VEPH1: variants seen among roughly 807,000 people sequenced by gnomAD.
VEPH1 encodes ventricular zone-expressed PH domain-containing protein homolog 1.
In VEPH1, 80 loss-of-function variants were observed where a neutral mutation model predicts 85.2. The ratio of observed to expected loss-of-function variants is 0.94; its 90% CI spans 0.78 to 1.13. The LOEUF is 1.13. Among genes scored for constraint, VEPH1 ranks in the 50% most tolerant of loss-of-function variants. The pLI is 0.00. For missense variants in VEPH1, 955 were observed against 980.5 expected (o/e 0.97, Z 0.35); for synonymous variants, 297 against 348.0 (o/e 0.85, Z 1.63).
At chr3:157,361,350 C>T (rs1457110115) in intron 9 of VEPH1, among the ~76,000 whole-genome samples, 2 of 151,974 alleles carry the variant, frequency 1.3e-5, no homozygotes, top group African/African-American at 4.8e-5. Context: ...TATCACTAAA[C>T]ATTTGAATCC....
At position 157,313,608 on chromosome 3, in the gene VEPH1, A is replaced by G. The variant is rs1485064693; in HGVS notation, c.2010+13T>C. The G allele has an allele frequency of 6.2e-7, 1 of 1,613,138 alleles. No homozygotes were observed. Among genetic ancestry groups the G allele is most frequent in the Middle Eastern group, 1.7e-4 (1 of 6,052 alleles). On this transcript the variant is annotated intron_variant, in intron 11 of 13. Transcript: ENST00000362010. ...TCTTGGCCTGTAACATGGCCAAGGA[A>G]AGGAATATTTACCTTCTGCTGTGGA... is the stretch of plus-strand genomic sequence containing the variant.
intron 11 of VEPH1, among the ~76,000 whole-genome samples, chr3:157,290,018 C>T (rs1052236417): frequency 7.5e-5 from 11 of 146,676 alleles, no homozygotes; most frequent in Non-Finnish European, 1.0e-4. Flanking sequence ...ATATCAATTC[C>T]GTTGTTATTA....
At chr3:157,335,326 G>A (rs1437330776) in intron 9 of VEPH1, among the ~76,000 whole-genome samples, 2 of 152,076 alleles carry the variant, frequency 1.3e-5, no homozygotes, top group Non-Finnish European at 2.9e-5. Flanking sequence ...TGAGCCTGAG[G>A]GTTGGGGCTT....
At chr3:157,412,875 A>G (rs537127867) in intron 6 of VEPH1, among the ~76,000 whole-genome samples, 2 of 152,264 alleles carry the variant, frequency 1.3e-5, no homozygotes, top group South Asian at 4.1e-4. Context: ...ATCAAACAGC[A>G]CCAAAGATGC....
At chr3:157,456,824 T>A (rs144618255) in intron 4 of VEPH1, among the ~76,000 whole-genome samples, 4 of 152,286 alleles carry the variant, frequency 2.6e-5, no homozygotes, top group Admixed American at 6.5e-5. Context: ...TCCAGGTTTG[T>A]TCTTTTTGCT....
intron 5 of VEPH1, 85 bp from the exon 6 acceptor site, chr3:157,414,175 C>CT (rs1731728816): frequency 5.3e-6 from 6 of 1,128,236 alleles, no homozygotes; most frequent in South Asian, 4.4e-5. Flanking sequence ...TGAAAGCAAA[C>CT]TTTTTTTGCA....
intron 5 of VEPH1, among the ~76,000 whole-genome samples, chr3:157,417,347 G>T (rs1468751692): frequency 6.6e-6 from 1 of 152,188 alleles, no homozygotes; most frequent in African/African-American, 2.4e-5. Flanking sequence ...GATTCTGGCT[G>T]CAGAGAACAA....
chr3:157,330,776 C>A (rs1170850083), intron 9 of VEPH1, among the ~76,000 whole-genome samples: 1 of 152,100 alleles, frequency 6.6e-6, no homozygotes, highest in Non-Finnish European at 1.5e-5. Context: ...GCAGGTTTTG[C>A]CCCAGCCACA....
intron 3 of VEPH1, 80 bp downstream of exon 3, chr3:157,470,234 G>C (rs1736795287): frequency 1.5e-6 from 2 of 1,296,132 alleles, no homozygotes; most frequent in Admixed American, 1.8e-5. Context: ...AGAAGCATTG[G>C]CTCTTGGTTC....
At position 157,273,346 on chromosome 3, in the gene VEPH1, A is replaced by G. The variant is rs546139940; in HGVS notation, c.2129-7684T>C. ...AGAGAAATGCAGTAAGCAAGTGAGTACAGAGTGGGATAAGTACCAGGCTAG... is the reference window on the plus strand; with the variant it reads ...AGAGAAATGCAGTAAGCAAGTGAGTGCAGAGTGGGATAAGTACCAGGCTAG... On this transcript the variant is annotated intron_variant, in intron 12 of 13. Transcript: ENST00000362010. 2.6e-5 allele frequency among the ~76,000 whole-genome samples: 4 copies of G among 152,324 alleles called. No homozygotes were observed. The South Asian group carries it at 8.3e-4, about 32-fold the overall frequency.
intron 7 of VEPH1, among the ~76,000 whole-genome samples, chr3:157,379,303 AT>A (rs538351164): frequency 6.6e-6 from 1 of 151,810 alleles, no homozygotes. Context: ...TGTATGTGCT[AT>A]TTTTTTTAAT....
chr3:157,408,819 G>C (rs910811273), intron 6 of VEPH1, among the ~76,000 whole-genome samples: 7 of 152,158 alleles, frequency 4.6e-5, no homozygotes, highest in Admixed American at 2.0e-4. Flanking sequence ...CAGAGTAAAG[G>C]GTGTGCAGGG....
chr3:157,348,901 A>G (rs1049620043), intron 9 of VEPH1, among the ~76,000 whole-genome samples: 2 of 152,228 alleles, frequency 1.3e-5, no homozygotes, highest in African/African-American at 4.8e-5. Context: ...TGCAGCCTTC[A>G]CCACTGAATT....
intron 4 of VEPH1, among the ~76,000 whole-genome samples, chr3:157,447,495 C>T (rs1734639094): frequency 6.6e-6 from 1 of 152,054 alleles, no homozygotes. Flanking sequence ...AACTTAAAAA[C>T]CACTTCCTTT....
chr3:157,353,046 C>A (rs921576515), intron 9 of VEPH1, among the ~76,000 whole-genome samples: 1 of 152,136 alleles, frequency 6.6e-6, no homozygotes, highest in Admixed American at 6.5e-5. Context: ...GTAACCTGTT[C>A]AAGGAATCAG....
intron 6 of VEPH1, among the ~76,000 whole-genome samples, chr3:157,393,729 C>G (rs1730103694): frequency 6.6e-6 from 1 of 152,172 alleles, no homozygotes; most frequent in Non-Finnish European, 1.5e-5. Flanking sequence ...TACCCCATCT[C>G]TCTTTCTTCT....
chr3:157,441,676 G>A (rs1023718669), intron 4 of VEPH1, among the ~76,000 whole-genome samples: 1 of 152,008 alleles, frequency 6.6e-6, no homozygotes, highest in Non-Finnish European at 1.5e-5. Context: ...TGGGCGCAGT[G>A]GTGTGCACCT....
At chr3:157,456,876 T>C (rs562214077) in intron 4 of VEPH1, among the ~76,000 whole-genome samples, 16 of 152,204 alleles carry the variant, frequency 1.1e-4, no homozygotes, top group Non-Finnish European at 1.8e-4. Context: ...TGGTTCCATA[T>C]GAATTTTAAA....
At chr3:157,424,242 A>T (rs770098962) in intron 5 of VEPH1, among the ~76,000 whole-genome samples, 1 of 152,212 alleles carries the variant, frequency 6.6e-6, no homozygotes, top group Admixed American at 6.5e-5. Context: ...ACCATGTAAG[A>T]AGTGCCTTTT....
Sources: gnomAD v4.1 joint callset for allele counts (sites outside exome capture counted in the v4.1 genomes callset) on GRCh38, gnomAD v4.1.1 for gene constraint, MANE v1.5 for transcripts, NCBI Gene and HGNC (gene_info 2026-07-23, HGNC 2026-07-21) for gene names.